Variants in SSBP2 observed in about 807,000 individuals in gnomAD.
The protein encoded by SSBP2 is single stranded DNA binding protein 2, also known as single-stranded DNA-binding protein 2.
A neutral mutation model predicts 61.8 loss-of-function variants in SSBP2; 17 were observed. That is an observed-to-expected ratio of 0.28 (90% confidence interval 0.19 to 0.41). The LOEUF (loss-of-function observed/expected upper bound fraction) is 0.41, where lower values mean the gene tolerates loss of function less well. Among genes scored for constraint, SSBP2 ranks in the 10% least tolerant of loss-of-function variants. The pLI is 1.00. For missense variants in SSBP2, 310 were observed against 458.7 expected (o/e 0.68, Z 2.96); for synonymous variants, 139 against 141.3 (o/e 0.98, Z 0.12).
intron 1 of SSBP2, among the ~76,000 whole-genome samples, chr5:81,722,403 T>TTG (rs1755599826): frequency 2.0e-5 from 3 of 151,602 alleles, no homozygotes; most frequent in Admixed American, 2.0e-4. Flanking sequence ...TTTTGTTTTT[T>TTG]TTTTTTTTCA....
chr5:81,446,124 T>C (rs979664091), intron 12 of SSBP2, among the ~76,000 whole-genome samples: 4 of 152,204 alleles, frequency 2.6e-5, no homozygotes, highest in Admixed American at 6.5e-5. Flanking sequence ...GTTGTATCTC[T>C]GTCATTTCTA....
At chr5:81,546,909 C>T (rs1561526518) in intron 4 of SSBP2, among the ~76,000 whole-genome samples, 1 of 144,036 alleles carries the variant, frequency 6.9e-6, no homozygotes, top group East Asian at 1.9e-4. Context: ...CATATTGTAA[C>T]ATTTTTAAAA....
intron 1 of SSBP2, among the ~76,000 whole-genome samples, chr5:81,715,127 C>T (rs1233964358): frequency 6.6e-6 from 1 of 152,084 alleles, no homozygotes; most frequent in African/African-American, 2.4e-5. Context: ...TTCTAAAACA[C>T]ACCCACACAC....
intron 6 of SSBP2, among the ~76,000 whole-genome samples, chr5:81,488,460 C>T (rs866010518): frequency 6.6e-6 from 1 of 152,032 alleles, no homozygotes; most frequent in Non-Finnish European, 1.5e-5. Flanking sequence ...ATTTGCATTT[C>T]CTTATGATTA....
At chr5:81,437,564 C>T in intron 14 of SSBP2, 106 bp from the exon 15 acceptor site, 3 of 988,814 alleles carry the variant, frequency 3.0e-6, no homozygotes, top group Middle Eastern at 3.1e-4. Context: ...TATTTTCCAG[C>T]ATATAGCTCC....
At chr5:81,438,183 T>G (rs1267037597) in intron 14 of SSBP2, among the ~76,000 whole-genome samples, 2 of 151,752 alleles carry the variant, frequency 1.3e-5, no homozygotes, top group Non-Finnish European at 2.9e-5. Context: ...AAATCACACC[T>G]CTACTAAAAA....
chr5:81,723,043 G>A (rs1251361125), intron 1 of SSBP2, among the ~76,000 whole-genome samples: 1 of 151,900 alleles, frequency 6.6e-6, no homozygotes, highest in Non-Finnish European at 1.5e-5. Context: ...CTTAAAGCCA[G>A]AAACTCTTAT....
intron 1 of SSBP2, among the ~76,000 whole-genome samples, chr5:81,655,264 C>T (rs1750113501): frequency 6.6e-6 from 1 of 152,100 alleles, no homozygotes; most frequent in African/African-American, 2.4e-5. Flanking sequence ...TTTGAATTAA[C>T]ATCTTCCTTT....
chr5:81,676,166 C>A (rs1326667431), intron 1 of SSBP2, among the ~76,000 whole-genome samples: 1 of 152,180 alleles, frequency 6.6e-6, no homozygotes, highest in African/African-American at 2.4e-5. Context: ...GACAGTTACG[C>A]TCAATTTCTT....
At chr5:81,690,612 C>G (rs543509508) in intron 1 of SSBP2, among the ~76,000 whole-genome samples, 4 of 151,988 alleles carry the variant, frequency 2.6e-5, no homozygotes, top group African/African-American at 9.6e-5. Flanking sequence ...AGAGATAAAC[C>G]CCAATAGAAT....
Position 81,750,948 on chromosome 5 carries a change from A to G in SSBP2, c.62+33T>C, listed in dbSNP as rs1401500006. On this transcript the variant is annotated intron_variant, in intron 1 of 16. Coordinates refer to ENST00000320672, the MANE Select transcript of SSBP2 (RefSeq NM_012446.5). ...CGTGCGTGAGTGTGCGCGCGTGTGAAGGCGGAGGTGGGTGAGAAGCGGAGA... is the reference window on the plus strand; with the variant it reads ...CGTGCGTGAGTGTGCGCGCGTGTGAGGGCGGAGGTGGGTGAGAAGCGGAGA... 2.5e-6 allele frequency: 4 copies of G among 1,572,194 alleles called. No homozygotes were observed. The Admixed American group carries it at 5.6e-5, about 22-fold the overall frequency.
chr5:81,470,064 T>A (rs1385104116), intron 8 of SSBP2, among the ~76,000 whole-genome samples: 1 of 151,960 alleles, frequency 6.6e-6, no homozygotes, highest in Non-Finnish European at 1.5e-5. Flanking sequence ...AGTTTACTTT[T>A]TCCTTACATG....
chr5:81,622,582 T>C (rs1746707771), intron 3 of SSBP2, among the ~76,000 whole-genome samples: 1 of 152,184 alleles, frequency 6.6e-6, no homozygotes, highest in African/African-American at 2.4e-5. Flanking sequence ...ATATGCACAG[T>C]GTCTGACATA....
intron 9 of SSBP2, among the ~76,000 whole-genome samples, chr5:81,465,003 A>C (rs527321303): frequency 2.6e-5 from 4 of 152,156 alleles, no homozygotes; most frequent in Admixed American, 6.5e-5. Context: ...GCCAATATCA[A>C]TATAATAGTT....
intron 1 of SSBP2, among the ~76,000 whole-genome samples, chr5:81,714,114 G>A (rs1483583609): frequency 2.6e-5 from 4 of 152,038 alleles, no homozygotes; most frequent in Admixed American, 6.5e-5. Flanking sequence ...GCGCCCATAT[G>A]TTCTCATTGT....
chr5:81,512,093 A>G (rs980666599), intron 5 of SSBP2, among the ~76,000 whole-genome samples: 5 of 152,226 alleles, frequency 3.3e-5, no homozygotes, highest in African/African-American at 9.7e-5. Flanking sequence ...TCTCAAATAT[A>G]TATTTTTCTG....
chr5:81,559,787 A>T, intron 4 of SSBP2, among the ~76,000 whole-genome samples: 1 of 152,032 alleles, frequency 6.6e-6, no homozygotes, highest in East Asian at 1.9e-4. Context: ...TCATTACATA[A>T]AGCAACTGTC....
At chr5:81,536,580 C>A (rs1200908903) in intron 4 of SSBP2, among the ~76,000 whole-genome samples, 1 of 152,126 alleles carries the variant, frequency 6.6e-6, no homozygotes, top group East Asian at 1.9e-4. Flanking sequence ...GAGTTGAAAA[C>A]CAAGTCCATA....
chr5:81,750,787 C>T, intron 1 of SSBP2, 194 bp downstream of exon 1: 1 of 633,992 alleles, frequency 1.6e-6, no homozygotes, highest in Non-Finnish European at 2.7e-6. Flanking sequence ...TGCGGCCGCC[C>T]GCCCAGCGCC....
Sources: allele counts gnomAD v4.1 joint callset (sites outside exome capture counted in the v4.1 genomes callset), GRCh38; gene constraint gnomAD v4.1.1; transcripts MANE v1.5; gene names NCBI Gene and HGNC (gene_info 2026-07-23, HGNC 2026-07-21).